The following CXADR variants were observed in gnomAD, a reference collection of about 807,000 sequenced individuals.
The protein encoded by CXADR is CXADR cell adhesion molecule.
Under a neutral mutation model 40.3 loss-of-function variants are expected in CXADR, and 20 were observed. The ratio of observed to expected loss-of-function variants is 0.50; its 90% CI spans 0.35 to 0.72. CXADR has a LOEUF of 0.72. Among genes scored for constraint, CXADR ranks in the 30% least tolerant of loss-of-function variants. The pLI is 0.01. For synonymous variants in CXADR, 150 were observed against 161.3 expected, an observed-to-expected ratio of 0.93 and a Z score of 0.53; for missense variants, 332 against 449.1, an observed-to-expected ratio of 0.74 and a Z score of 2.36.
downstream of CXADR, chr21:17,570,221 G>C: frequency 2.0e-6 from 2 of 977,640 alleles, no homozygotes; most frequent in Non-Finnish European, 2.4e-6. Context: ...CCTCTAAACA[G>C]AAAGAATAAA....
chr21:17,555,138 C>T (rs577585828), intron 3 of CXADR, among the ~76,000 whole-genome samples: 36 of 152,172 alleles, frequency 2.4e-4, no homozygotes, highest in Non-Finnish European at 4.1e-4. Context: ...ATATCACGGG[C>T]ACCTTCCCCT....
chr21:17,570,846 T>G (rs1284094155), downstream of CXADR, among the ~76,000 whole-genome samples: 1 of 152,212 alleles, frequency 6.6e-6, no homozygotes, highest in Non-Finnish European at 1.5e-5. Flanking sequence ...GATGCTACTT[T>G]AAGAAGCATG....
intron 1 of CXADR, among the ~76,000 whole-genome samples, chr21:17,534,289 G>GT (rs917887548): frequency 2.6e-5 from 4 of 151,366 alleles, no homozygotes; most frequent in African/African-American, 7.3e-5. Flanking sequence ...TAGAGACGGG[G>GT]TTTCGCCATG....
At chr21:17,528,358 G>A (rs1026946841) in intron 1 of CXADR, among the ~76,000 whole-genome samples, 5 of 151,894 alleles carry the variant, frequency 3.3e-5, no homozygotes, top group African/African-American at 7.3e-5. Context: ...ACAGGTGTGA[G>A]CCACCGCGCC....
At chr21:17,521,575 G>C (rs1038517488) in intron 1 of CXADR, among the ~76,000 whole-genome samples, 1 of 152,144 alleles carries the variant, frequency 6.6e-6, no homozygotes, top group African/African-American at 2.4e-5. Flanking sequence ...CACCCTCCTT[G>C]GCTTCCCAAA....
intron 1 of CXADR, chr21:17,530,581 A>T: frequency 3.3e-6 from 1 of 299,962 alleles, no homozygotes; most frequent in South Asian, 2.7e-5. Flanking sequence ...CGAGAGGCCA[A>T]GATGGGCCTA....
At chr21:17,621,916 A>T in the CXADR span, among the ~76,000 whole-genome samples, 1 of 152,266 alleles carries the variant, frequency 6.6e-6, no homozygotes, top group South Asian at 2.1e-4. Context: ...AATACCGCAT[A>T]AAAGTATAAA....
At chr21:17,581,485 T>A (rs546948039) in intron 7 of CXADR, among the ~76,000 whole-genome samples, 28 of 152,212 alleles carry the variant, frequency 1.8e-4, no homozygotes, top group Non-Finnish European at 3.7e-4. Context: ...GAGAAAATTA[T>A]CACATGGTTT....
intron 7 of CXADR, among the ~76,000 whole-genome samples, chr21:17,592,889 T>C (rs1402409839): frequency 1.3e-5 from 2 of 151,972 alleles, no homozygotes; most frequent in Non-Finnish European, 2.9e-5. Context: ...TTTCATACTA[T>C]TGAGCTATAC....
chr21:17,577,650 A>C, intron 7 of CXADR, among the ~76,000 whole-genome samples: 1 of 70,636 alleles, frequency 1.4e-5, no homozygotes, highest in African/African-American at 5.1e-5. Context: ...TAACTGATGC[A>C]TTGATCTCTA....
chr21:17,523,428 C>T (rs980886991), intron 1 of CXADR, among the ~76,000 whole-genome samples: 1 of 152,118 alleles, frequency 6.6e-6, no homozygotes, highest in African/African-American at 2.4e-5. Context: ...CACAGGTCAG[C>T]TTTGTGTCAG....
At chr21:17,520,861 A>G (rs1302268796) in intron 1 of CXADR, among the ~76,000 whole-genome samples, 1 of 152,214 alleles carries the variant, frequency 6.6e-6, no homozygotes, top group Non-Finnish European at 1.5e-5. Flanking sequence ...AACCTACGGG[A>G]AATAAAAAGG....
intron 1 of CXADR, among the ~76,000 whole-genome samples, chr21:17,522,356 C>T (rs574864397): frequency 6.6e-6 from 1 of 152,202 alleles, no homozygotes; most frequent in Non-Finnish European, 1.5e-5. Flanking sequence ...CCATGTTAGT[C>T]AGGCTGGTTG....
rs113234563 is a variant in CXADR, at chr21:17,566,449, G to A, written c.*757G>A. On this transcript the variant is annotated 3_prime_UTR_variant, in exon 7 of 7. Transcript: ENST00000284878. ...AGATGACACTAGGTGCAATAGCAGG[G>A]ATAGATTTTGTTGGTGAGTAGTCTC... 7.8e-3 allele frequency: 7,713 copies of A among 985,314 alleles called. 463 individuals carry two copies. The African/African-American group carries it at 0.12, about 16-fold the overall frequency. 61.0% of individuals were successfully genotyped at this position (985,314 alleles called of 1,614,324 possible).
At chr21:17,603,896 G>A in the CXADR span, among the ~76,000 whole-genome samples, 2 of 152,182 alleles carry the variant, frequency 1.3e-5, no homozygotes, top group Non-Finnish European at 2.9e-5. Flanking sequence ...ACATAAATCA[G>A]ATAACAATGT....
chr21:17,565,256 A>G (rs2061188232), intron 6 of CXADR, among the ~76,000 whole-genome samples, 172 bp from the exon 7 acceptor site: 1 of 151,718 alleles, frequency 6.6e-6, no homozygotes, highest in African/African-American at 2.4e-5. Flanking sequence ...TTATGACGTT[A>G]TGGCTTGTGC....
At chr21:17,592,637 T>TC (rs1365321458) in intron 7 of CXADR, among the ~76,000 whole-genome samples, 2 of 151,882 alleles carry the variant, frequency 1.3e-5, no homozygotes, top group Non-Finnish European at 2.9e-5. Context: ...AATTTTTTTT[T>TC]CCTTTTTTTC....
intron 7 of CXADR, among the ~76,000 whole-genome samples, chr21:17,581,184 C>T (rs774061599): frequency 6.6e-5 from 10 of 152,102 alleles, no homozygotes; most frequent in Non-Finnish European, 1.3e-4. Context: ...TACACTATAA[C>T]GTATATAATC....
chr21:17,621,831 T>C, the CXADR span, among the ~76,000 whole-genome samples: 1 of 152,218 alleles, frequency 6.6e-6, no homozygotes, highest in South Asian at 2.1e-4. Context: ...CCAAGTATTT[T>C]GTTGTAGCAG....
Sources: allele counts gnomAD v4.1 joint callset (sites outside exome capture counted in the v4.1 genomes callset), GRCh38; gene constraint gnomAD v4.1.1; transcripts MANE v1.5; gene names NCBI Gene and HGNC (gene_info 2026-07-23, HGNC 2026-07-21).